The following FSHR variants were observed in gnomAD, a reference collection of about 807,000 sequenced individuals.
The protein encoded by FSHR is follicle stimulating hormone receptor.
A neutral mutation model predicts 52.1 loss-of-function variants in FSHR; 46 were observed. The ratio of observed to expected loss-of-function variants is 0.88; its 90% CI spans 0.70 to 1.13. The LOEUF (loss-of-function observed/expected upper bound fraction) is 1.13. Among genes scored for constraint, FSHR ranks in the 50% most tolerant of loss-of-function variants. FSHR has a pLI of 0.00. For synonymous variants in FSHR, 399 were observed against 309.6 expected (o/e 1.29, Z -3.03); for missense variants, 964 against 834.6 (o/e 1.16, Z -1.91).
chr2:49,000,637 G>A (rs181617110), intron 4 of FSHR, among the ~76,000 whole-genome samples: 1 of 152,176 alleles, frequency 6.6e-6, no homozygotes, highest in Admixed American at 6.5e-5. Flanking sequence ...TTAAATTCGG[G>A]GAAAGACTTT....
At chr2:49,032,656 C>T (rs899689804) in intron 2 of FSHR, among the ~76,000 whole-genome samples, 4 of 152,148 alleles carry the variant, frequency 2.6e-5, no homozygotes, top group Non-Finnish European at 5.9e-5. Context: ...ATTTTGTTTG[C>T]TAGTGAAGAA....
chr2:49,038,533 G>A (rs1216062800), intron 2 of FSHR, among the ~76,000 whole-genome samples: 5 of 151,234 alleles, frequency 3.3e-5, no homozygotes, highest in Admixed American at 2.0e-4. Context: ...GCTGAGGCAG[G>A]AGAATGGCGT....
chr2:48,976,689 C>G lies in FSHR; in HGVS notation c.668+6223G>C, dbSNP rs1573032410. Among the ~76,000 whole-genome samples, 3 of 152,272 alleles carry G rather than the reference C, an allele frequency of 2.0e-5. No individual in the cohort carries two copies. The South Asian group carries it at 6.2e-4, about 32-fold the overall frequency. The stretch of plus-strand genomic sequence containing the variant: ...GTTATTGGTCTATTCAGGGATTCAT[C>G]TTCTTCCTGGATTAGTCTTGGAATG... On this transcript the variant is annotated intron_variant, in intron 8 of 9. Transcript: ENST00000406846.
At chr2:49,027,901 A>G (rs1364144450) in intron 2 of FSHR, among the ~76,000 whole-genome samples, 70 of 147,562 alleles carry the variant, frequency 4.7e-4, no homozygotes, top group Non-Finnish European at 1.9e-4. Flanking sequence ...GATTTTCTGG[A>G]GGTAGAGTCA....
chr2:49,083,274 A>C (rs1422136589), intron 1 of FSHR, among the ~76,000 whole-genome samples: 4 of 147,518 alleles, frequency 2.7e-5, no homozygotes, highest in African/African-American at 5.0e-5. Flanking sequence ...GAAATAAAAT[A>C]CTTTACAGAC....
intron 1 of FSHR, among the ~76,000 whole-genome samples, chr2:49,106,463 A>G (rs1009330543): frequency 2.6e-5 from 4 of 152,200 alleles, no homozygotes; most frequent in Admixed American, 6.5e-5. Context: ...ATAACCTTCA[A>G]TAATTTTACA....
intron 6 of FSHR, among the ~76,000 whole-genome samples, chr2:48,987,736 T>C (rs1284709401): frequency 6.6e-6 from 1 of 152,058 alleles, no homozygotes; most frequent in Non-Finnish European, 1.5e-5. Context: ...CTTAGAATGA[T>C]TGCTCTTTTT....
chr2:49,060,880 T>G (rs113228617), intron 2 of FSHR, among the ~76,000 whole-genome samples: 2,396 of 152,230 alleles, frequency 0.016, 54 homozygotes, highest in African/African-American at 0.049. Flanking sequence ...TACACATGGC[T>G]GTAAAGAGTC....
intron 1 of FSHR, among the ~76,000 whole-genome samples, chr2:49,113,435 T>A (rs942318141): frequency 6.6e-6 from 1 of 152,206 alleles, no homozygotes; most frequent in East Asian, 1.9e-4. Flanking sequence ...ATGAAAATTG[T>A]TAATCCAGCC....
At chr2:49,062,364 G>A (rs1185393988) in intron 2 of FSHR, among the ~76,000 whole-genome samples, 1 of 152,058 alleles carries the variant, frequency 6.6e-6, no homozygotes, top group Non-Finnish European at 1.5e-5. Flanking sequence ...ATATTCACAT[G>A]CAGAAAAGGA....
intron 1 of FSHR, among the ~76,000 whole-genome samples, chr2:49,095,116 A>C (rs1670773115): frequency 6.6e-6 from 1 of 152,164 alleles, no homozygotes; most frequent in Non-Finnish European, 1.5e-5. Flanking sequence ...TTCTTGGCAG[A>C]AATTGAGAAG....
At chr2:49,054,599 A>G (rs1298348671) in intron 2 of FSHR, among the ~76,000 whole-genome samples, 4 of 152,176 alleles carry the variant, frequency 2.6e-5, no homozygotes, top group African/African-American at 9.7e-5. Context: ...GATCAAAGTA[A>G]TAGCCACATG....
chr2:49,049,861 A>C (rs1055754570), intron 2 of FSHR, among the ~76,000 whole-genome samples: 1 of 150,584 alleles, frequency 6.6e-6, no homozygotes, highest in African/African-American at 2.5e-5. Context: ...AATAAAAACC[A>C]AACCCAAATA....
At chr2:48,979,415 T>G (rs974144445) in intron 8 of FSHR, among the ~76,000 whole-genome samples, 3 of 151,958 alleles carry the variant, frequency 2.0e-5, no homozygotes, top group Non-Finnish European at 4.4e-5. Flanking sequence ...CACTCCAGCA[T>G]GGGTGATTAA....
intron 2 of FSHR, among the ~76,000 whole-genome samples, chr2:49,035,110 G>T (rs1668232243): frequency 6.6e-6 from 1 of 152,152 alleles, no homozygotes; most frequent in African/African-American, 2.4e-5. Flanking sequence ...GGTCTTTATA[G>T]GCCTTATACT....
At chr2:49,033,175 A>G (rs1553476) in intron 2 of FSHR, among the ~76,000 whole-genome samples, 12,653 of 152,254 alleles carry the variant, frequency 0.083, 651 homozygotes, top group African/African-American at 0.14. Context: ...ATATGATTAG[A>G]CAAGGTCAGT....
At chr2:49,006,687 G>A (rs1328125113) in intron 4 of FSHR, among the ~76,000 whole-genome samples, 1 of 152,028 alleles carries the variant, frequency 6.6e-6, no homozygotes, top group Non-Finnish European at 1.5e-5. Flanking sequence ...TCTCACTCAG[G>A]ATCAGTGCCA....
chr2:49,035,860 G>A (rs1668254067), intron 2 of FSHR, among the ~76,000 whole-genome samples: 1 of 152,192 alleles, frequency 6.6e-6, no homozygotes, highest in Non-Finnish European at 1.5e-5. Context: ...CCAGTAGGAG[G>A]AGAAATCTTT....
chr2:49,030,470 A>G (rs1668063973), intron 2 of FSHR, among the ~76,000 whole-genome samples: 1 of 151,398 alleles, frequency 6.6e-6, no homozygotes, highest in Non-Finnish European at 1.5e-5. Flanking sequence ...CTCTGTTTTC[A>G]CTCTGTAATT....
Sources: allele counts gnomAD v4.1 joint callset (sites outside exome capture counted in the v4.1 genomes callset), GRCh38; gene constraint gnomAD v4.1.1; transcripts MANE v1.5; gene names NCBI Gene and HGNC (gene_info 2026-07-23, HGNC 2026-07-21).